The following ARHGAP39 variants were observed in gnomAD, a reference collection of about 807,000 sequenced individuals.
ARHGAP39 encodes rho GTPase-activating protein 39.
A neutral mutation model predicts 106.9 loss-of-function variants in ARHGAP39; 44 were observed. That is an observed-to-expected ratio of 0.41 (90% CI 0.32 to 0.53). The LOEUF (loss-of-function observed/expected upper bound fraction) is 0.53, where lower values mean the gene tolerates loss of function less well. ARHGAP39 is among the 20% of genes least tolerant of loss of function. The pLI, the probability that ARHGAP39 is intolerant of heterozygous loss-of-function variation, is 0.21. For missense variants in ARHGAP39, 1,496 were observed against 1,577.3 expected, an observed-to-expected ratio of 0.95 and a Z score of 0.87; for synonymous variants, 768 against 693.2, an observed-to-expected ratio of 1.11 and a Z score of -1.69.
chr8:144,686,178 G>A (rs927070931), upstream of ARHGAP39, among the ~76,000 whole-genome samples: 1 of 152,070 alleles, frequency 6.6e-6, no homozygotes, highest in Non-Finnish European at 1.5e-5. Context: ...AACCACGTTG[G>A]GCTTCCCGAG....
Position 144,581,043 on chromosome 8 carries a change from C to T in ARHGAP39, c.315G>A (p.Lys105=). The change falls in exon 3 of 12, where the codon AAG becomes AAA. Residue 105 remains lysine (K), a synonymous_variant. Transcript: ENST00000377307. ...CCGTGTTCTGCTTCAGCGTCTGCAG[C>T]TTGGCCAGCGGGATGATGTCGCAGC... ...PQGCDIIPLA[K]LQTLKQNTES... is the part of the protein sequence containing the mutation. 2 of 1,584,186 alleles carry T rather than the reference C, an allele frequency of 1.3e-6. No homozygotes were observed. Among genetic ancestry groups the T allele is most frequent in the Non-Finnish European group, 1.7e-6 (2 of 1,165,598 alleles).
At chr8:144,594,096 A>AAAG (rs900024485) in intron 2 of ARHGAP39, among the ~76,000 whole-genome samples, 4 of 151,974 alleles carry the variant, frequency 2.6e-5, no homozygotes, top group African/African-American at 9.7e-5. Flanking sequence ...CTCAAAAAAA[A>AAAG]AAAAAAAAAA....
chr8:144,583,784 TTAC>T (rs1819087797), intron 2 of ARHGAP39, among the ~76,000 whole-genome samples: 1 of 152,216 alleles, frequency 6.6e-6, no homozygotes, highest in Non-Finnish European at 1.5e-5. Flanking sequence ...ATTCACAAGA[TTAC>T]TACTGTCATT....
chr8:144,620,179 C>G (rs1228763292), intron 1 of ARHGAP39, among the ~76,000 whole-genome samples: 1 of 127,542 alleles, frequency 7.8e-6, no homozygotes, highest in Non-Finnish European at 1.7e-5. Context: ...TTGTGTGTCC[C>G]TGAGAGAGCG....
intron 1 of ARHGAP39, among the ~76,000 whole-genome samples, chr8:144,676,683 G>A (rs1822250233): frequency 6.6e-6 from 1 of 152,256 alleles, no homozygotes; most frequent in Non-Finnish European, 1.5e-5. Context: ...CGGCAGCCCA[G>A]AGGAAGCTCG....
chr8:144,648,277 C>A (rs1821493005), intron 1 of ARHGAP39, among the ~76,000 whole-genome samples: 1 of 152,196 alleles, frequency 6.6e-6, no homozygotes, highest in Non-Finnish European at 1.5e-5. Flanking sequence ...TCTCAGGAGA[C>A]CCCATGCCAA....
In ARHGAP39 at chr8:144,530,513, C is replaced by T. The variant is rs758945393; in HGVS notation, c.3254G>A (p.Arg1085His). The T allele has an allele frequency of 8.1e-6, 13 of 1,611,942 alleles. No homozygotes were observed. Among genetic ancestry groups the T allele is most frequent in the Admixed American group, 3.3e-5 (2 of 59,956 alleles). ...CTTGCGGGTGTTCTCGAAGATGACG[C>T]GCGGGTCGTCGGACTGGCAGCGCAA... ...NCLRCQSDDP[R>H]VIFENTRKEM... Residue 1085 changes from arginine (R) to histidine (H), a missense_variant, in exon 12 of 12, where the codon CGC becomes CAC. Physicochemically the swap from Arg to His is conservative, Grantham distance 29. Around this residue, in one of 4 missense-constraint regions of ARHGAP39, gnomAD observed 470 missense variants for 605.1 expected, o/e 0.78. Coordinates refer to ENST00000377307, the MANE Select transcript of ARHGAP39 (RefSeq NM_025251.3).
chr8:144,670,141 A>G lies in ARHGAP39; in HGVS notation c.-82+15545T>C, dbSNP rs1281650470. ...AAGCAACAGAGCTCGGATGCATGCT[A>G]GAGCGTACCGGGAAGCAGGATCAGG... On this transcript the variant is annotated intron_variant, in intron 1 of 11. Transcript: ENST00000377307. This position sits in a 1 kb window ranked among gnomAD's most constrained non-coding sequence, Gnocchi z 4.4. Among the ~76,000 whole-genome samples the G allele has an allele frequency of 6.6e-6, 1 of 152,236 alleles. No individual in the cohort carries two copies. Among genetic ancestry groups the G allele is most frequent in the Admixed American group, 6.5e-5 (1 of 15,288 alleles).
intron 2 of ARHGAP39, among the ~76,000 whole-genome samples, chr8:144,589,413 C>A (rs1819306468): frequency 6.6e-6 from 1 of 152,146 alleles, no homozygotes; most frequent in South Asian, 2.1e-4. Flanking sequence ...ACAGGAGCGC[C>A]CAGAGCAGGG....
At chr8:144,590,406 G>A (rs558795976) in intron 2 of ARHGAP39, among the ~76,000 whole-genome samples, 2 of 152,316 alleles carry the variant, frequency 1.3e-5, no homozygotes, top group East Asian at 1.9e-4. Flanking sequence ...GCTCAGTGCC[G>A]TCTTCTCGAC....
intron 1 of ARHGAP39, among the ~76,000 whole-genome samples, chr8:144,663,155 C>T (rs998610038): frequency 1.3e-5 from 2 of 150,614 alleles, no homozygotes; most frequent in Non-Finnish European, 3.0e-5. Flanking sequence ...ACCACTCTCT[C>T]CTCCCTGGTT....
At position 144,545,344 on chromosome 8, in the gene ARHGAP39, G is replaced by T; in HGVS notation, c.2426C>A (p.Ala809Asp). The T allele has an allele frequency of 6.2e-7, 1 of 1,601,684 alleles. No individual in the cohort carries two copies. Residue 809 changes from alanine (A) to aspartate (D), a missense_variant, in exon 6 of 12, where the codon GCC becomes GAC. Around this residue, in one of 4 missense-constraint regions of ARHGAP39, gnomAD observed 470 missense variants for 605.1 expected, o/e 0.78. Coordinates refer to ENST00000377307, the MANE Select transcript of ARHGAP39 (RefSeq NM_025251.3). ...GGGCGGGAAAAAGGCCAGGCAGATGGCCATGAGCTCCCAGCCGCGGGCCAG... is the reference window on the plus strand; with the variant it reads ...GGGCGGGAAAAAGGCCAGGCAGATGTCCATGAGCTCCCAGCCGCGGGCCAG... ...ESLARGWELM[A>D]ICLAFFPPTP...
Position 144,534,114 on chromosome 8 carries a change from C to G in ARHGAP39, c.2688+15G>C. The G allele has an allele frequency of 6.2e-7, 1 of 1,612,016 alleles. No individual in the cohort carries two copies. On this transcript the variant is annotated intron_variant, in intron 8 of 11. Transcript: ENST00000377307. ...TCCCCGCCTGCCCTCCCCGGCCCCC[C>G]AGGCGCACCCGTACCTTCTTGGCCC...
At chr8:144,562,505 GACTC>G (rs545423308) in intron 3 of ARHGAP39, among the ~76,000 whole-genome samples, 4 of 117,810 alleles carry the variant, frequency 3.4e-5, no homozygotes, top group African/African-American at 1.9e-4. Flanking sequence ...GTTTCCATCG[GACTC>G]ACTCCAGTGG....
In ARHGAP39 at chr8:144,662,977, C is replaced by T. The variant is rs182160114; in HGVS notation, c.-82+22709G>A. Among the ~76,000 whole-genome samples, 339 of 151,030 alleles carry T rather than the reference C, an allele frequency of 2.2e-3. 3 individuals are homozygous for T. The highest frequency in any genetic ancestry group is 7.9e-3 in the African/African-American group (323 of 41,006). ...CTCACCTTGGGTCACTCCCTTCTCC[C>T]CATTATTCACCTTGGACCAGTCCTC... On this transcript the variant is annotated intron_variant, in intron 1 of 11. Coordinates refer to ENST00000377307, the MANE Select transcript of ARHGAP39 (RefSeq NM_025251.3).
chr8:144,559,218 AC>A (rs1818053237), intron 3 of ARHGAP39, among the ~76,000 whole-genome samples: 1 of 151,870 alleles, frequency 6.6e-6, no homozygotes, highest in Non-Finnish European at 1.5e-5. Context: ...AAAACAAAAA[AC>A]AAAAAAACAA....
intron 1 of ARHGAP39, among the ~76,000 whole-genome samples, chr8:144,614,823 C>G (rs1277472768): frequency 1.3e-5 from 2 of 152,178 alleles, no homozygotes; most frequent in Non-Finnish European, 2.9e-5. Flanking sequence ...TCTCAGTCAG[C>G]CTGCTGGCAA....
At chr8:144,589,991 TG>T (rs1421399287) in intron 2 of ARHGAP39, among the ~76,000 whole-genome samples, 1 of 152,246 alleles carries the variant, frequency 6.6e-6, no homozygotes, top group African/African-American at 2.4e-5. Flanking sequence ...GCCCTGACCC[TG>T]GTGCCAACTG....
intron 2 of ARHGAP39, among the ~76,000 whole-genome samples, chr8:144,590,117 AC>A (rs1819335444): frequency 6.6e-6 from 1 of 152,236 alleles, no homozygotes; most frequent in East Asian, 1.9e-4. Context: ...GGCACGTGGG[AC>A]AGAGGCCAGA....
Sources: gnomAD v4.1 joint callset for allele counts (sites outside exome capture counted in the v4.1 genomes callset) on GRCh38, gnomAD v4.1.1 for gene constraint, gnomAD v4.1.1 regional missense constraint, Gnocchi (gnomAD v3.1) non-coding constraint, MANE v1.5 for transcripts, NCBI Gene and HGNC (gene_info 2026-07-23, HGNC 2026-07-21) for gene names.